Variants in CCDC196 observed in about 807,000 individuals in gnomAD.
CCDC196 encodes the protein coiled-coil domain-containing protein 196.
In CCDC196 at chr14:66,489,029, T is replaced by C. The variant is rs1012964494; in HGVS notation, c.343T>C (p.Trp115Arg). 1 of 413,186 alleles carries C rather than the reference T, an allele frequency of 2.4e-6. No individual in the cohort carries two copies. The highest frequency in any genetic ancestry group is 4.4e-6 in the Non-Finnish European group (1 of 225,990). The allele number at this position is 413,186 out of a possible 1,614,324, so 25.6% of individuals were successfully genotyped here. ...KMLRKEMEML[W>R]NKTFEAEELS... The stretch of plus-strand genomic sequence containing the variant: ...GCTTCGGAAGGAAATGGAGATGCTA[T>C]GGAACAAGGTGTGCCTCTAAGGATC... The change falls in exon 4 of 10, where the codon TGG becomes CGG. Residue 115 changes from tryptophan to arginine, a missense_variant. Trp to Arg is a moderately radical substitution (Grantham distance 101). Transcript: ENST00000636229.
chr14:66,491,397 G>GTAT, intron 6 of CCDC196, among the ~76,000 whole-genome samples: 1 of 152,248 alleles, frequency 6.6e-6, no homozygotes, highest in South Asian at 2.1e-4. Flanking sequence ...TAGTATGCTG[G>GTAT]TATCTCATCT....
chr14:66,486,401 G>A lies in CCDC196; in HGVS notation c.-102G>A. 2.5e-6 allele frequency: 1 copy of A among 397,788 alleles called. No homozygotes were observed. Among genetic ancestry groups the A allele is most frequent in the Non-Finnish European group, 4.4e-6 (1 of 225,612 alleles). The allele number at this position is 397,788 out of a possible 1,614,324, so 24.6% of individuals were successfully genotyped here. A position where few individuals can be genotyped will look rare whatever the true frequency, so the allele number is the denominator to read the frequency against. On this transcript the variant is annotated 5_prime_UTR_variant, in exon 1 of 10. Transcript: ENST00000636229. ...AGCTAAGATCAGTCCACTGCAGCAG[G>A]AGTTTCAAGAACAGCAGCACAAAAA... is the stretch of plus-strand genomic sequence containing the variant.
chr14:66,493,470 G>T (rs941435462), intron 8 of CCDC196, among the ~76,000 whole-genome samples: 2 of 152,104 alleles, frequency 1.3e-5, no homozygotes, highest in African/African-American at 4.8e-5. Context: ...CCATATAATG[G>T]GGGCAGGACA....
intron 4 of CCDC196, 49 bp from the exon 5 acceptor site, chr14:66,490,693 C>T (rs2057514359): frequency 2.5e-6 from 1 of 398,758 alleles, no homozygotes; most frequent in African/African-American, 2.1e-5. Flanking sequence ...TTCCACTTCC[C>T]TCTTTAATTT....
At position 66,490,806 on chromosome 14, in the gene CCDC196, T is replaced by C. The variant is rs1301853313; in HGVS notation, c.416T>C (p.Leu139Ser). 13 of 399,654 alleles carry C rather than the reference T, an allele frequency of 3.3e-5. No homozygotes were observed. Among genetic ancestry groups the C allele is most frequent in the East Asian group, 3.6e-5 (1 of 28,100 alleles). The allele number at this position is 399,654 out of a possible 1,614,324, so 24.8% of individuals were successfully genotyped here. A position where few individuals can be genotyped will look rare whatever the true frequency, so the allele number is the denominator to read the frequency against. ...CCACAGACAAAAAACAAGGCAGACT[T>C]GCAGGATGGAAAGGCAAGTGGACTG... ...KAPQTKNKAD[L>S]QDGKAPKSPS... Residue 139 changes from leucine to serine, a missense_variant, in exon 5 of 10, where the codon TTG becomes TCG. Physicochemically the swap from Leu to Ser is moderately radical, Grantham distance 145. Coordinates refer to ENST00000636229, the MANE Select transcript of CCDC196 (RefSeq NM_001351576.1).
intron 8 of CCDC196, 82 bp from the exon 9 acceptor site, chr14:66,498,024 GTGA>G (rs1046875935): frequency 5.0e-6 from 2 of 403,340 alleles, no homozygotes; most frequent in Non-Finnish European, 9.0e-6. Context: ...AATACCCACA[GTGA>G]TACAAAACAA....
At position 66,498,399 on chromosome 14, in the gene CCDC196, G is replaced by C; in HGVS notation, c.821G>C (p.Gly274Ala). The C allele has an allele frequency of 4.8e-6, 2 of 413,338 alleles. No individual in the cohort carries two copies. The highest frequency in any genetic ancestry group is 8.9e-6 in the Non-Finnish European group (2 of 225,840). The allele number at this position is 413,338 out of a possible 1,614,324, so 25.6% of individuals were successfully genotyped here. A position where few individuals can be genotyped will look rare whatever the true frequency, so the allele number is the denominator to read the frequency against. Residue 274 changes from glycine (G) to alanine (A), a missense_variant, in exon 10 of 10, where the codon GGA (glycine) becomes GCA (alanine). Transcript: ENST00000636229. ...TACACAGAACAACAAGGAACTAAAG[G>C]AAGTCAGCTTGATAATACAGGAGGG... ...KIYTEQQGTK[G>A]SQLDNTGGRL...
intron 6 of CCDC196, among the ~76,000 whole-genome samples, chr14:66,491,314 A>G (rs1488444591): frequency 2.6e-5 from 4 of 152,218 alleles, no homozygotes; most frequent in African/African-American, 9.6e-5. Flanking sequence ...AGCTATACCA[A>G]CAATGATAAC....
At chr14:66,496,656 T>C (rs1046800073) in intron 8 of CCDC196, 6 of 233,192 alleles carry the variant, frequency 2.6e-5, no homozygotes, top group Non-Finnish European at 5.2e-5. Flanking sequence ...CAGTCACCTA[T>C]CTTAGAGAGC....
At chr14:66,496,420 T>C (rs993617794) in intron 8 of CCDC196, 16 of 454,652 alleles carry the variant, frequency 3.5e-5, no homozygotes, top group Non-Finnish European at 6.2e-5. Context: ...ATTCCCTTGA[T>C]GCCCAGGATG....
At chr14:66,489,135 T>G (rs2057479477) in intron 4 of CCDC196, 98 bp downstream of exon 4, 1 of 411,268 alleles carries the variant, frequency 2.4e-6, no homozygotes, top group South Asian at 1.3e-4. Flanking sequence ...TTCATGTCCT[T>G]GCTTCCACCC....
chr14:66,492,628 C>T (rs1043490353), intron 8 of CCDC196, among the ~76,000 whole-genome samples: 24 of 152,320 alleles, frequency 1.6e-4, no homozygotes, highest in African/African-American at 5.5e-4. Context: ...GTGTGAGCCA[C>T]CACGCCCGGC....
chr14:66,495,646 T>C (rs921648282), intron 8 of CCDC196: 7 of 152,290 alleles, frequency 4.6e-5, no homozygotes, highest in Admixed American at 4.6e-4. Flanking sequence ...TAAGAAAATG[T>C]TAACTCTGCA....
rs2057407980 is a variant in CCDC196, at chr14:66,486,699, G to C, written c.93G>C (p.Glu31Asp). The change falls in exon 2 of 10, where the codon GAG becomes GAC. Residue 31 changes from glutamate to aspartate, a missense_variant. By Grantham distance (45) the Glu-to-Asp change is conservative. Coordinates refer to ENST00000636229, the MANE Select transcript of CCDC196 (RefSeq NM_001351576.1). Reference protein sequence around the residue: ...IDDNYLKELNEDLKLRKQELL... With the variant: ...IDDNYLKELNDDLKLRKQELL... ...ACAACTACTTGAAGGAATTGAATGA[G>C]GACTTAAAGCTAAGGAAGCAGGAAC... The C allele has an allele frequency of 2.4e-6, 1 of 413,370 alleles. No homozygotes were observed. The highest frequency in any genetic ancestry group is 4.4e-5 in the Admixed American group (1 of 22,720). The allele number at this position is 413,370 out of a possible 1,614,324, so 25.6% of individuals were successfully genotyped here.
intron 7 of CCDC196, among the ~76,000 whole-genome samples, 154 bp downstream of exon 7, chr14:66,491,839 C>T (rs2057544645): frequency 1.3e-5 from 2 of 152,158 alleles, no homozygotes. Flanking sequence ...CTGAAGGGAC[C>T]TATCTCTGAA....
intron 8 of CCDC196, chr14:66,492,692 T>C (rs1004201798): frequency 2.6e-5 from 4 of 152,642 alleles, no homozygotes; most frequent in African/African-American, 9.6e-5. Flanking sequence ...AGATTCTCTC[T>C]GGGAGAACTG....
At chr14:66,494,465 A>G (rs1230413443) in intron 8 of CCDC196, among the ~76,000 whole-genome samples, 2 of 152,184 alleles carry the variant, frequency 1.3e-5, no homozygotes, top group East Asian at 3.9e-4. Context: ...TCTTAATGGT[A>G]GGTGTTGTAG....
At chr14:66,491,255 G>A (rs922422862) in intron 6 of CCDC196, among the ~76,000 whole-genome samples, 151 bp downstream of exon 6, 2 of 152,184 alleles carry the variant, frequency 1.3e-5, no homozygotes, top group African/African-American at 2.4e-5. Context: ...ATTTGAGTTA[G>A]AGTGATATCA....
At chr14:66,497,830 T>C (rs897099161) in intron 8 of CCDC196, among the ~76,000 whole-genome samples, 13 of 152,180 alleles carry the variant, frequency 8.5e-5, no homozygotes, top group Non-Finnish European at 1.8e-4. Context: ...TCTGAGGGTA[T>C]GTATATATAC....
Sources: gnomAD v4.1 joint callset for allele counts (sites outside exome capture counted in the v4.1 genomes callset) on GRCh38, gnomAD v4.1.1 for gene constraint, MANE v1.5 for transcripts, NCBI Gene and HGNC (gene_info 2026-07-23, HGNC 2026-07-21) for gene names.